Variants in SREK1IP1 observed in about 807,000 individuals in gnomAD.
SREK1IP1 encodes the protein protein SREK1IP1.
Under a neutral mutation model 22.8 loss-of-function variants are expected in SREK1IP1, and 12 were observed. The ratio of observed to expected loss-of-function variants is 0.53; its 90% CI spans 0.34 to 0.85. The LOEUF (loss-of-function observed/expected upper bound fraction) is 0.85, where lower values mean the gene tolerates loss of function less well. SREK1IP1 is among the 40% of genes least tolerant of loss of function. SREK1IP1 has a pLI of 0.02. For missense variants in SREK1IP1, 147 were observed against 171.8 expected, an observed-to-expected ratio of 0.86 and a Z score of 0.81; for synonymous variants, 53 against 52.7, an observed-to-expected ratio of 1.01 and a Z score of -0.02.
intron 2 of SREK1IP1, among the ~76,000 whole-genome samples, chr5:64,742,800 CT>C (rs1291757546): frequency 1.3e-5 from 2 of 152,026 alleles, no homozygotes; most frequent in African/African-American, 4.8e-5. Flanking sequence ...ATTCTTAGTT[CT>C]TTATTTTTTT....
In SREK1IP1 at chr5:64,728,171, C is replaced by A; in HGVS notation, c.214G>T (p.Glu72Ter). The A allele has an allele frequency of 7.2e-7, 1 of 1,387,912 alleles. No homozygotes were observed. The highest frequency in any genetic ancestry group is 2.9e-5 in the East Asian group (1 of 34,820). 86.0% of individuals were successfully genotyped at this position (1,387,912 alleles called of 1,614,324 possible). A position where few individuals can be genotyped will look rare whatever the true frequency, so the allele number is the denominator to read the frequency against. Residue 72 changes from glutamate (E) to a stop codon, truncating the protein, a stop_gained, in exon 4 of 5, where the codon GAA becomes TAA. Transcript: ENST00000513458. LOFTEE classifies it high-confidence loss of function. Reference sequence around the variant, plus strand: ...TTTTCTTTCTTCTTTTCCTCTTCTTCATTTATTCCTGTGGGGGAGAGGTGA... The same window carrying A: ...TTTTCTTTCTTCTTTTCCTCTTCTTAATTTATTCCTGTGGGGGAGAGGTGA... ...LQALQEKRIN[E>*]EEEKKKEKSK... is the part of the protein sequence containing the mutation.
intron 3 of SREK1IP1, among the ~76,000 whole-genome samples, chr5:64,730,214 T>C (rs1295532852): frequency 6.6e-6 from 1 of 152,122 alleles, no homozygotes; most frequent in Non-Finnish European, 1.5e-5. Flanking sequence ...TATCAAATAG[T>C]ACCTAAAGGC....
Position 64,722,787 on chromosome 5 carries a change from GGGCTGTGGAT to G in SREK1IP1, c.*1587_*1596del, listed in dbSNP as rs1449542520. On this transcript the variant is annotated 3_prime_UTR_variant, in exon 5 of 5. Transcript: ENST00000513458. ...AGAGCTCTCATGGCTGCAATGCAGA[GGGCTGTGGAT>G]ACAGCTTCCCTAGAATTTAAGCATG... 4 of 152,240 alleles carry G rather than the reference GGGCTGTGGAT, an allele frequency of 2.6e-5. No individual in the cohort carries two copies. The highest frequency in any genetic ancestry group is 9.6e-5 in the African/African-American group (4 of 41,468). The allele number at this position is 152,240 out of a possible 1,614,324, so 9.4% of individuals were successfully genotyped here. A position where few individuals can be genotyped will look rare whatever the true frequency, so the allele number is the denominator to read the frequency against.
intron 4 of SREK1IP1, among the ~76,000 whole-genome samples, chr5:64,726,139 G>C (rs1742260758): frequency 6.6e-6 from 1 of 151,880 alleles, no homozygotes; most frequent in African/African-American, 2.4e-5. Flanking sequence ...CCAAAGTGCT[G>C]GGATTATAGG....
At chr5:64,753,800 A>G (rs6858898) in intron 2 of SREK1IP1, among the ~76,000 whole-genome samples, 9,635 of 152,290 alleles carry the variant, frequency 0.063, 990 homozygotes, top group African/African-American at 0.22. Flanking sequence ...TTACAAATTT[A>G]TATTTATAAT....
At chr5:64,757,272 T>C (rs1029480699) in intron 1 of SREK1IP1, among the ~76,000 whole-genome samples, 3 of 152,128 alleles carry the variant, frequency 2.0e-5, no homozygotes, top group Admixed American at 2.0e-4. Context: ...GGCATGTGCT[T>C]TTAGTCTTAG....
chr5:64,731,432 T>C (rs946311009), intron 3 of SREK1IP1, among the ~76,000 whole-genome samples: 1 of 150,866 alleles, frequency 6.6e-6, no homozygotes, highest in South Asian at 2.1e-4. Context: ...GAGGACTGCT[T>C]GGGCCCAGGA....
intron 1 of SREK1IP1, among the ~76,000 whole-genome samples, chr5:64,757,771 A>T (rs1456149458): frequency 6.6e-6 from 1 of 151,322 alleles, no homozygotes; most frequent in Non-Finnish European, 1.5e-5. Flanking sequence ...GTCTTTTAAG[A>T]GGTAAAATGT....
At chr5:64,736,371 T>C (rs2112093221) in intron 3 of SREK1IP1, among the ~76,000 whole-genome samples, 1 of 152,310 alleles carries the variant, frequency 6.6e-6, no homozygotes, top group Admixed American at 6.5e-5. Context: ...TCGCTGGCTA[T>C]AATTGCAAAT....
In SREK1IP1 at chr5:64,721,499, A is replaced by T. The variant is rs980021899; in HGVS notation, c.*2885T>A. The T allele has an allele frequency of 5.3e-5, 8 of 152,134 alleles. No homozygotes were observed. The highest frequency in any genetic ancestry group is 1.9e-4 in the African/African-American group (8 of 41,418). 9.4% of individuals were successfully genotyped at this position (152,134 alleles called of 1,614,324 possible). A position where few individuals can be genotyped will look rare whatever the true frequency, so the allele number is the denominator to read the frequency against. ...TGTTGTTTTGACCTCAGAGAGTCAA[A>T]GATGTAAATGGAGATGTATATTAAG... On this transcript the variant is annotated 3_prime_UTR_variant, in exon 5 of 5. Coordinates refer to ENST00000513458, the MANE Select transcript of SREK1IP1 (RefSeq NM_173829.4).
At chr5:64,727,670 A>C (rs1742299342) in intron 4 of SREK1IP1, 1 of 151,518 alleles carries the variant, frequency 6.6e-6, no homozygotes, top group Non-Finnish European at 1.5e-5. Flanking sequence ...TCAGCCTTCC[A>C]CATAGCTGGG....
intron 2 of SREK1IP1, among the ~76,000 whole-genome samples, chr5:64,742,491 A>G (rs1742567829): frequency 6.6e-6 from 1 of 152,214 alleles, no homozygotes; most frequent in Admixed American, 6.5e-5. Context: ...AACCAAGGCT[A>G]ATGGTGATCA....
chr5:64,735,978 T>G (rs1742455421), intron 3 of SREK1IP1, among the ~76,000 whole-genome samples: 1 of 152,188 alleles, frequency 6.6e-6, no homozygotes, highest in Admixed American at 6.5e-5. Flanking sequence ...TTCTTCTTTT[T>G]TTCTAATACA....
intron 2 of SREK1IP1, among the ~76,000 whole-genome samples, chr5:64,742,725 C>T (rs1350356868): frequency 6.6e-6 from 1 of 152,202 alleles, no homozygotes; most frequent in Admixed American, 6.5e-5. Flanking sequence ...GCCTAGGGTT[C>T]ATCAAATATC....
intron 2 of SREK1IP1, 79 bp from the exon 3 acceptor site, chr5:64,741,279 C>A: frequency 7.7e-7 from 1 of 1,292,680 alleles, no homozygotes; most frequent in African/African-American, 1.5e-5. Flanking sequence ...TGCTGCCTCA[C>A]GGTAACCAGT....
chr5:64,730,148 C>T lies in SREK1IP1; in HGVS notation c.206-1969G>A, dbSNP rs147478906. On this transcript the variant is annotated intron_variant, in intron 3 of 4. Coordinates refer to ENST00000513458, the MANE Select transcript of SREK1IP1 (RefSeq NM_173829.4). ...CAAAAAGACTGACAAAGAAGGGCCA[C>T]GGGGTTGGAAGAATACCAGAACCAA... Among the ~76,000 whole-genome samples, 224 of 152,098 alleles carry T rather than the reference C, an allele frequency of 1.5e-3. 1 individual carries two copies. Among genetic ancestry groups the T allele is most frequent in the African/African-American group, 5.2e-3 (217 of 41,488 alleles).
chr5:64,755,831 TTA>T (rs938776584), intron 1 of SREK1IP1, among the ~76,000 whole-genome samples: 3 of 151,698 alleles, frequency 2.0e-5, no homozygotes, highest in African/African-American at 7.3e-5. Flanking sequence ...GTAAAATAAT[TTA>T]TATATATATG....
intron 3 of SREK1IP1, among the ~76,000 whole-genome samples, chr5:64,737,507 CAA>C (rs34983078): frequency 1.8e-4 from 17 of 95,052 alleles, no homozygotes; most frequent in African/African-American, 2.7e-4. Context: ...TTCATACTGT[CAA>C]AAAAAAAAAA....
chr5:64,748,074 T>C (rs928451034), intron 2 of SREK1IP1, among the ~76,000 whole-genome samples: 2 of 152,192 alleles, frequency 1.3e-5, no homozygotes, highest in African/African-American at 2.4e-5. Context: ...CTTGTCATAA[T>C]AGCTAAAATG....
Sources: allele counts gnomAD v4.1 joint callset (sites outside exome capture counted in the v4.1 genomes callset), GRCh38; gene constraint gnomAD v4.1.1; transcripts MANE v1.5; gene names NCBI Gene and HGNC (gene_info 2026-07-23, HGNC 2026-07-21).